The following CACNA2D3 variants were observed in gnomAD, a reference collection of about 807,000 sequenced individuals.
CACNA2D3 encodes the protein calcium voltage-gated channel auxiliary subunit alpha2delta 3, also known as voltage-dependent calcium channel subunit alpha-2/delta-3.
A neutral mutation model predicts 160.6 loss-of-function variants in CACNA2D3; 60 were observed. The ratio of observed to expected loss-of-function variants is 0.37; its 90% CI spans 0.30 to 0.46. The LOEUF (loss-of-function observed/expected upper bound fraction) is 0.46. CACNA2D3 is among the 20% of genes least tolerant of loss of function. The pLI is 1.00. For synonymous variants in CACNA2D3, 558 were observed against 492.9 expected (o/e 1.13, Z -1.75); for missense variants, 1,205 against 1,365.0 (o/e 0.88, Z 1.85).
intron 11 of CACNA2D3, among the ~76,000 whole-genome samples, chr3:54,675,907 C>T (rs1330099153): frequency 1.3e-5 from 2 of 152,118 alleles, no homozygotes; most frequent in Non-Finnish European, 2.9e-5. Flanking sequence ...AGATGGTGTC[C>T]TCCACACCAC....
intron 35 of CACNA2D3, among the ~76,000 whole-genome samples, chr3:55,030,333 A>G (rs952457693): frequency 1.2e-4 from 18 of 152,208 alleles, no homozygotes; most frequent in Admixed American, 7.9e-4. Context: ...TATCACATTG[A>G]AAAGATTTTC....
At chr3:54,468,263 G>A (rs1700663994) in intron 4 of CACNA2D3, among the ~76,000 whole-genome samples, 2 of 152,210 alleles carry the variant, frequency 1.3e-5, no homozygotes, top group Non-Finnish European at 2.9e-5. Context: ...GTTGGACAGT[G>A]GGTGCAGCCC....
intron 13 of CACNA2D3, among the ~76,000 whole-genome samples, chr3:54,806,306 A>G (rs1267438612): frequency 1.3e-5 from 2 of 152,094 alleles, no homozygotes; most frequent in African/African-American, 2.4e-5. Flanking sequence ...AGAAAACCCC[A>G]TTGTCTCAGC....
At chr3:54,835,601 AG>A (rs1189672996) in intron 14 of CACNA2D3, among the ~76,000 whole-genome samples, 2 of 152,220 alleles carry the variant, frequency 1.3e-5, no homozygotes, top group Non-Finnish European at 2.9e-5. Context: ...CCTCTTTCCA[AG>A]TAGATTGAGG....
chr3:54,334,368 T>C (rs1704330491), intron 3 of CACNA2D3, among the ~76,000 whole-genome samples: 1 of 152,062 alleles, frequency 6.6e-6, no homozygotes, highest in South Asian at 2.1e-4. Flanking sequence ...TTACAGGCTA[T>C]TTTGTATGCA....
At chr3:55,010,330 C>T (rs927933441) in intron 34 of CACNA2D3, among the ~76,000 whole-genome samples, 2 of 151,914 alleles carry the variant, frequency 1.3e-5, no homozygotes, top group Non-Finnish European at 2.9e-5. Context: ...ACCAAACCCT[C>T]GAGACATGCA....
chr3:54,771,557 C>T (rs888445611), intron 13 of CACNA2D3, among the ~76,000 whole-genome samples: 1 of 152,162 alleles, frequency 6.6e-6, no homozygotes, highest in African/African-American at 2.4e-5. Context: ...GGGACCACTC[C>T]CAGCTCCCAA....
chr3:54,863,348 G>A (rs1171401179), intron 17 of CACNA2D3, among the ~76,000 whole-genome samples: 1 of 152,098 alleles, frequency 6.6e-6, no homozygotes, highest in African/African-American at 2.4e-5. Context: ...TCTTTGCCGA[G>A]GAGCATTCTT....
intron 13 of CACNA2D3, among the ~76,000 whole-genome samples, chr3:54,774,284 C>T (rs1043482348): frequency 6.6e-6 from 1 of 152,138 alleles, no homozygotes; most frequent in South Asian, 2.1e-4. Flanking sequence ...TTAATTGGCT[C>T]AGGGTTCCGC....
intron 5 of CACNA2D3, among the ~76,000 whole-genome samples, chr3:54,545,916 C>T (rs1427779842): frequency 6.6e-6 from 1 of 152,196 alleles, no homozygotes; most frequent in Non-Finnish European, 1.5e-5. Context: ...GGCTTGCATT[C>T]AGATCCAAGG....
At chr3:54,807,447 T>G (rs1447404843) in intron 13 of CACNA2D3, among the ~76,000 whole-genome samples, 1 of 151,978 alleles carries the variant, frequency 6.6e-6, no homozygotes, top group Non-Finnish European at 1.5e-5. Context: ...AAAAAACACA[T>G]GAAAAAATGC....
chr3:54,569,293 G>T (rs1305740597), intron 6 of CACNA2D3, among the ~76,000 whole-genome samples: 2 of 152,108 alleles, frequency 1.3e-5, no homozygotes, highest in Non-Finnish European at 2.9e-5. Flanking sequence ...CAAAATTTCT[G>T]ATTTTAAAAA....
intron 5 of CACNA2D3, among the ~76,000 whole-genome samples, chr3:54,524,620 C>T (rs1271876065): frequency 1.3e-5 from 2 of 151,938 alleles, no homozygotes; most frequent in Non-Finnish European, 2.9e-5. Flanking sequence ...TTGTCTATTT[C>T]TTTTTTCATC....
intron 11 of CACNA2D3, among the ~76,000 whole-genome samples, chr3:54,717,313 T>C (rs1303294086): frequency 6.6e-6 from 1 of 152,254 alleles, no homozygotes; most frequent in Admixed American, 6.5e-5. Flanking sequence ...GTTGCACACT[T>C]GTGTATACAT....
intron 4 of CACNA2D3, among the ~76,000 whole-genome samples, chr3:54,404,650 GAAAT>G (rs1481151611): frequency 6.6e-6 from 1 of 151,938 alleles, no homozygotes; most frequent in Non-Finnish European, 1.5e-5. Flanking sequence ...AGACAAAAAA[GAAAT>G]AAAAAGCTTT....
Position 54,925,060 on chromosome 3 carries a change from G to A in CACNA2D3, c.2449+25192G>A, listed in dbSNP as rs534104727. 8.1e-6 allele frequency: 13 copies of A among 1,614,134 alleles called. No homozygotes were observed. The South Asian group carries it at 1.3e-4, about 16-fold the overall frequency. On this transcript the variant is annotated intron_variant, in intron 27 of 37. Coordinates refer to ENST00000474759, the MANE Select transcript of CACNA2D3 (RefSeq NM_018398.3). The stretch of plus-strand genomic sequence containing the variant: ...TGTATCTGATTATCTTGTAAATGCA[G>A]CGTTCGAGTCTGAGGAGGTAAATGG...
At chr3:54,285,161 A>G (rs931191786) in intron 2 of CACNA2D3, among the ~76,000 whole-genome samples, 9 of 152,330 alleles carry the variant, frequency 5.9e-5, no homozygotes, top group African/African-American at 2.2e-4. Context: ...GCAAGGGGTC[A>G]GGGAGTTCCC....
At chr3:54,646,640 T>C (rs1037560932) in intron 11 of CACNA2D3, among the ~76,000 whole-genome samples, 2 of 152,204 alleles carry the variant, frequency 1.3e-5, no homozygotes, top group South Asian at 2.1e-4. Flanking sequence ...CCACATTTTC[T>C]GTATCCAGTC....
At chr3:54,445,450 A>G (rs1326966718) in intron 4 of CACNA2D3, among the ~76,000 whole-genome samples, 1 of 152,160 alleles carries the variant, frequency 6.6e-6, no homozygotes, top group Non-Finnish European at 1.5e-5. Context: ...ATTCATAGAT[A>G]AAAGCAACTT....
Sources: gnomAD v4.1 joint callset for allele counts (sites outside exome capture counted in the v4.1 genomes callset) on GRCh38, gnomAD v4.1.1 for gene constraint, MANE v1.5 for transcripts, NCBI Gene and HGNC (gene_info 2026-07-23, HGNC 2026-07-21) for gene names.